Variants in NWD2 observed in about 807,000 individuals in gnomAD.
The protein encoded by NWD2 is NACHT and WD repeat domain-containing protein 2.
Under a neutral mutation model 132.7 loss-of-function variants are expected in NWD2, and 37 were observed. That is an observed-to-expected ratio of 0.28 (90% CI 0.21 to 0.37). The LOEUF is 0.37. Ranked by LOEUF, NWD2 falls within the 10% of genes least tolerant of loss-of-function variation. The probability of loss-of-function intolerance (pLI) is 1.00; values close to 1 mark genes in which losing one functional copy is unlikely to be tolerated. For synonymous variants in NWD2, 705 were observed against 803.0 expected (o/e 0.88, Z 2.06); for missense variants, 1,592 against 2,122.4 (o/e 0.75, Z 4.91).
chr4:37,378,557 C>T (rs1012019315), intron 3 of NWD2, among the ~76,000 whole-genome samples: 3 of 152,190 alleles, frequency 2.0e-5, no homozygotes, highest in Non-Finnish European at 4.4e-5. Context: ...GACAATTCCC[C>T]AACTTGTTAC....
Position 37,448,874 on chromosome 4 carries a change from A to G in NWD2, c.*1657A>G, listed in dbSNP as rs999119745. 3.3e-5 allele frequency: 5 copies of G among 152,250 alleles called. No homozygotes were observed. Among genetic ancestry groups the G allele is most frequent in the African/African-American group, 1.2e-4 (5 of 41,476 alleles). The allele number at this position is 152,250 out of a possible 1,614,324, so 9.4% of individuals were successfully genotyped here. A position where few individuals can be genotyped will look rare whatever the true frequency, so the allele number is the denominator to read the frequency against. ...GCTAATAGGAAAAATAAATTCATGTAACCCATAGAGAATCCAGGTCAATTG... is the reference window on the plus strand; with the variant it reads ...GCTAATAGGAAAAATAAATTCATGTGACCCATAGAGAATCCAGGTCAATTG... On this transcript the variant is annotated 3_prime_UTR_variant, in exon 7 of 7. Transcript: ENST00000309447.
intron 2 of NWD2, among the ~76,000 whole-genome samples, chr4:37,344,077 C>T (rs1719583300): frequency 6.6e-6 from 1 of 152,110 alleles, no homozygotes; most frequent in African/African-American, 2.4e-5. Context: ...ATAAAATGTG[C>T]TGTCAACAAG....
intron 1 of NWD2, among the ~76,000 whole-genome samples, chr4:37,266,875 T>G (rs1032752877): frequency 2.0e-5 from 3 of 151,996 alleles, no homozygotes; most frequent in African/African-American, 7.2e-5. Flanking sequence ...GTAAAAGCGT[T>G]GAATTGGGGT....
At chr4:37,294,077 G>C (rs1718425068) in intron 1 of NWD2, among the ~76,000 whole-genome samples, 1 of 152,084 alleles carries the variant, frequency 6.6e-6, no homozygotes, top group Non-Finnish European at 1.5e-5. Flanking sequence ...CTCCTTTCTG[G>C]AAAGGAAGAC....
chr4:37,444,907 C>G lies in NWD2; in HGVS notation c.2919C>G (p.Ile973Met). ...LSSSHLHVTE[I>M]LPTCNPSTVL... The stretch of plus-strand genomic sequence containing the variant: ...CCAGTCACCTGCATGTCACAGAGAT[C>G]CTGCCTACCTGTAACCCCAGCACTG... Residue 973 changes from isoleucine to methionine, a missense_variant, in exon 7 of 7, where the codon ATC (isoleucine) becomes ATG (methionine). Ile to Met is a conservative substitution (Grantham distance 10). Around this residue, in one of 7 missense-constraint regions of NWD2, gnomAD observed 1,071 missense variants for 1,398.0 expected, o/e 0.77. Coordinates refer to ENST00000309447, the MANE Select transcript of NWD2 (RefSeq NM_001144990.2). The surrounding 1 kb of genome is among the most constrained non-coding windows in gnomAD (Gnocchi z 4.8). The G allele has an allele frequency of 6.4e-7, 1 of 1,552,292 alleles. No homozygotes were observed. The highest frequency in any genetic ancestry group is 8.7e-7 in the Non-Finnish European group (1 of 1,147,132).
intron 3 of NWD2, among the ~76,000 whole-genome samples, chr4:37,405,464 T>C (rs974168136): frequency 7.7e-6 from 1 of 129,270 alleles, no homozygotes; most frequent in Non-Finnish European, 1.7e-5. Context: ...TAGAATAGAA[T>C]AGAATAGAAT....
intron 3 of NWD2, among the ~76,000 whole-genome samples, chr4:37,374,244 T>C (rs1167949374): frequency 1.3e-5 from 2 of 152,168 alleles, no homozygotes; most frequent in Admixed American, 1.3e-4. Context: ...TCTGTCTCCA[T>C]GTGATGACAC....
intron 2 of NWD2, among the ~76,000 whole-genome samples, chr4:37,344,142 T>C (rs1719584746): frequency 6.6e-6 from 1 of 152,192 alleles, no homozygotes; most frequent in Admixed American, 6.5e-5. Context: ...GCCTGGACAT[T>C]AGGCTAAAAG....
chr4:37,250,720 G>T (rs1717341011), intron 1 of NWD2, among the ~76,000 whole-genome samples: 1 of 152,108 alleles, frequency 6.6e-6, no homozygotes, highest in Non-Finnish European at 1.5e-5. Context: ...ATATAAATTA[G>T]AACTCACTAC....
At chr4:37,388,931 T>C (rs1234879938) in intron 3 of NWD2, among the ~76,000 whole-genome samples, 1 of 151,240 alleles carries the variant, frequency 6.6e-6, no homozygotes, top group African/African-American at 2.4e-5. Flanking sequence ...TTAACCTCTA[T>C]GATGGTGTCT....
chr4:37,294,706 C>T (rs777179354), intron 1 of NWD2, among the ~76,000 whole-genome samples: 1 of 152,170 alleles, frequency 6.6e-6, no homozygotes, highest in Non-Finnish European at 1.5e-5. Flanking sequence ...GTCAGACTTG[C>T]TTCATGATTG....
At chr4:37,335,200 G>A (rs1416800266) in intron 2 of NWD2, among the ~76,000 whole-genome samples, 1 of 147,332 alleles carries the variant, frequency 6.8e-6, no homozygotes, top group Admixed American at 7.1e-5. Flanking sequence ...CCCACAGGCA[G>A]CCTGTTCTAG....
chr4:37,314,087 A>G (rs1718909908), intron 1 of NWD2, among the ~76,000 whole-genome samples: 1 of 152,162 alleles, frequency 6.6e-6, no homozygotes. Flanking sequence ...TTCTTTATTA[A>G]TATGGTATAT....
At chr4:37,375,848 T>C (rs566566437) in intron 3 of NWD2, among the ~76,000 whole-genome samples, 33 of 152,322 alleles carry the variant, frequency 2.2e-4, no homozygotes, top group African/African-American at 7.5e-4. Flanking sequence ...ATTACAGGCG[T>C]GAGCCACCGC....
intron 2 of NWD2, among the ~76,000 whole-genome samples, chr4:37,326,319 T>C (rs1246496305): frequency 6.6e-6 from 1 of 152,196 alleles, no homozygotes; most frequent in Non-Finnish European, 1.5e-5. Context: ...GAGATGAAAG[T>C]TGCTGAGCAC....
intron 3 of NWD2, among the ~76,000 whole-genome samples, chr4:37,382,458 A>G (rs952597696): frequency 6.6e-6 from 1 of 152,150 alleles, no homozygotes; most frequent in Non-Finnish European, 1.5e-5. Context: ...AAGACATGAC[A>G]TTGACACATT....
chr4:37,314,964 T>C, intron 1 of NWD2, among the ~76,000 whole-genome samples: 1 of 152,192 alleles, frequency 6.6e-6, no homozygotes, highest in East Asian at 1.9e-4. Context: ...TTTTATTTTA[T>C]CTATTTCAAC....
At chr4:37,257,201 C>A (rs377368358) in intron 1 of NWD2, among the ~76,000 whole-genome samples, 5 of 152,084 alleles carry the variant, frequency 3.3e-5, no homozygotes, top group Admixed American at 6.6e-5. Flanking sequence ...TGACTGTGGC[C>A]GTGTGGTGTG....
chr4:37,395,639 A>G (rs1474140865), intron 3 of NWD2, among the ~76,000 whole-genome samples: 1 of 146,796 alleles, frequency 6.8e-6, no homozygotes, highest in African/African-American at 2.5e-5. Context: ...TCAATTTCTC[A>G]GATCCATTAT....
Sources: allele counts gnomAD v4.1 joint callset (sites outside exome capture counted in the v4.1 genomes callset), GRCh38; gene constraint gnomAD v4.1.1; regional missense constraint gnomAD v4.1.1; non-coding constraint Gnocchi (gnomAD v3.1); transcripts MANE v1.5; gene names NCBI Gene and HGNC (gene_info 2026-07-23, HGNC 2026-07-21).